Variants in ALDH18A1 observed in about 807,000 individuals in gnomAD.
ALDH18A1 encodes the protein delta-1-pyrroline-5-carboxylate synthase.
ALDH18A1 carries 44 observed loss-of-function variants against 88.8 expected under a neutral mutation model. The ratio of observed to expected loss-of-function variants is 0.50; its 90% CI spans 0.39 to 0.64. The LOEUF is 0.64. Ranked by LOEUF, ALDH18A1 falls within the 30% of genes least tolerant of loss-of-function variation. ALDH18A1 has a pLI of 0.00. For synonymous variants in ALDH18A1, 331 were observed against 372.1 expected (o/e 0.89, Z 1.27); for missense variants, 782 against 1,009.5 (o/e 0.77, Z 3.05).
At chr10:95,653,169 C>A (rs1032361906) in intron 2 of ALDH18A1, 121 bp downstream of exon 2, 3 of 978,870 alleles carry the variant, frequency 3.1e-6, no homozygotes, top group Non-Finnish European at 4.8e-6. Context: ...GCCTGTGTGA[C>A]AAAATGAGAC....
intron 11 of ALDH18A1, among the ~76,000 whole-genome samples, chr10:95,622,050 C>T (rs562159040): frequency 2.3e-4 from 35 of 152,038 alleles, no homozygotes; most frequent in African/African-American, 7.7e-4. Context: ...AAATCTGGAA[C>T]GCATCCAGAA....
intron 2 of ALDH18A1, among the ~76,000 whole-genome samples, chr10:95,648,847 G>A (rs1456931630): frequency 6.6e-6 from 1 of 152,186 alleles, no homozygotes; most frequent in Non-Finnish European, 1.5e-5. Flanking sequence ...GCTGAGCCCA[G>A]TCCAAAATAC....
At chr10:95,615,953 G>C (rs770162769) in intron 13 of ALDH18A1, among the ~76,000 whole-genome samples, 22 of 152,116 alleles carry the variant, frequency 1.4e-4, no homozygotes, top group Admixed American at 4.6e-4. Context: ...GATAAAATGA[G>C]CCTTGCACAT....
intron 3 of ALDH18A1, among the ~76,000 whole-genome samples, chr10:95,641,971 C>T (rs2097892563): frequency 6.6e-6 from 1 of 152,036 alleles, no homozygotes; most frequent in Admixed American, 6.6e-5. Context: ...CAGGGTCTCA[C>T]TTTGTTGCTC....
chr10:95,610,486 G>A lies in ALDH18A1; in HGVS notation c.2111-194C>T, dbSNP rs943343. Among the ~76,000 whole-genome samples the A allele has an allele frequency of 0.39, 58,766 of 152,092 alleles. 12,948 individuals are homozygous for A. Among genetic ancestry groups the A allele is most frequent in the Admixed American group, 0.5 (7,599 of 15,288 alleles). Reference sequence around the variant, plus strand: ...AAGACAAGTTAGCTTCATCAATCACGGTGTTGTGGAAAGACTGAGTTGGAA... The same window carrying A: ...AAGACAAGTTAGCTTCATCAATCACAGTGTTGTGGAAAGACTGAGTTGGAA... On this transcript the variant is annotated intron_variant, in intron 16 of 17. Transcript: ENST00000371224.
chr10:95,625,309 C>A, intron 11 of ALDH18A1, 53 bp downstream of exon 11: 1 of 1,509,582 alleles, frequency 6.6e-7, no homozygotes, highest in South Asian at 1.1e-5. Context: ...AACTAAAAAC[C>A]AAAATAATGC....
chr10:95,626,876 C>A, intron 9 of ALDH18A1, 100 bp from the exon 10 acceptor site: 1 of 1,221,754 alleles, frequency 8.2e-7, no homozygotes, highest in Non-Finnish European at 1.2e-6. Context: ...AAGCTCATCA[C>A]GCCCACAGAA....
intron 7 of ALDH18A1, chr10:95,628,846 A>G (rs2097864047): frequency 3.0e-6 from 1 of 333,744 alleles, no homozygotes; most frequent in South Asian, 2.7e-5. Flanking sequence ...CAGAACTGAA[A>G]AAGAAGGGTG....
chr10:95,633,218 ACT>A (rs2097874034), intron 6 of ALDH18A1, among the ~76,000 whole-genome samples, 169 bp from the exon 7 acceptor site: 1 of 152,180 alleles, frequency 6.6e-6, no homozygotes, highest in Admixed American at 6.5e-5. Flanking sequence ...TGCAGAACAC[ACT>A]GTCTACTGGC....
At chr10:95,614,848 A>G (rs1293507971) in intron 13 of ALDH18A1, among the ~76,000 whole-genome samples, 5 of 152,240 alleles carry the variant, frequency 3.3e-5, no homozygotes, top group African/African-American at 1.2e-4. Flanking sequence ...AACTGGAAAC[A>G]ATCTAAATAT....
At chr10:95,622,249 C>G (rs1029285332) in intron 11 of ALDH18A1, among the ~76,000 whole-genome samples, 1 of 152,068 alleles carries the variant, frequency 6.6e-6, no homozygotes, top group African/African-American at 2.4e-5. Context: ...CCAGGCTAGA[C>G]TGCAGTGGTG....
intron 11 of ALDH18A1, among the ~76,000 whole-genome samples, chr10:95,622,576 C>T (rs1245218629): frequency 2.0e-5 from 3 of 152,090 alleles, no homozygotes; most frequent in African/African-American, 7.2e-5. Flanking sequence ...CTCGCTCTGT[C>T]GCCCAGGCTG....
intron 11 of ALDH18A1, 68 bp from the exon 12 acceptor site, chr10:95,621,319 TC>T: frequency 2.7e-5 from 35 of 1,274,728 alleles, no homozygotes; most frequent in South Asian, 1.1e-4. Context: ...AACCGATGTG[TC>T]TTTTTTTTTT....
At chr10:95,637,017 T>C (rs2097881916) in intron 5 of ALDH18A1, 76 bp downstream of exon 5, 1 of 1,328,156 alleles carries the variant, frequency 7.5e-7, no homozygotes, top group East Asian at 2.4e-5. Context: ...ATTCCAATAG[T>C]CTGGCTCCAG....
chr10:95,654,121 C>T (rs1266894661), intron 1 of ALDH18A1, among the ~76,000 whole-genome samples: 1 of 151,382 alleles, frequency 6.6e-6, no homozygotes, highest in Non-Finnish European at 1.5e-5. Flanking sequence ...AAGTAGGGAA[C>T]TCCTTCCTAT....
chr10:95,640,247 T>C (rs769882350), intron 3 of ALDH18A1, among the ~76,000 whole-genome samples: 12 of 152,192 alleles, frequency 7.9e-5, no homozygotes, highest in Non-Finnish European at 1.6e-4. Context: ...GTAGCTTCTC[T>C]AGTGGCCTCC....
chr10:95,606,480 T>C lies in ALDH18A1; in HGVS notation c.*282A>G. On this transcript the variant is annotated 3_prime_UTR_variant, in exon 18 of 18. Transcript: ENST00000371224. ...CCATGGGTTTTCCTCGCCTTTTTTA[T>C]GGGGAAAATGCACCTTTCAATCCTA... is the stretch of plus-strand genomic sequence containing the variant. 1 of 1,275,200 alleles carries C rather than the reference T, an allele frequency of 7.8e-7. No individual in the cohort carries two copies. The highest frequency in any genetic ancestry group is 1.0e-6 in the Non-Finnish European group (1 of 1,002,590). 79.0% of individuals were successfully genotyped at this position (1,275,200 alleles called of 1,614,324 possible).
intron 2 of ALDH18A1, among the ~76,000 whole-genome samples, chr10:95,652,323 G>A (rs1317888463): frequency 1.3e-5 from 2 of 152,134 alleles, no homozygotes; most frequent in East Asian, 1.9e-4. Context: ...TCAGATACTG[G>A]GTGAAATTGG....
chr10:95,613,725 T>C lies in ALDH18A1; in HGVS notation c.1923+17A>G. Reference sequence around the variant, plus strand: ...TCTAAGACAGGAAGTAATGTACTAGTCCTATGGAACTCTTACCTGTTCCAC... The same window carrying C: ...TCTAAGACAGGAAGTAATGTACTAGCCCTATGGAACTCTTACCTGTTCCAC... On this transcript the variant is annotated intron_variant, in intron 15 of 17. Coordinates refer to ENST00000371224, the MANE Select transcript of ALDH18A1 (RefSeq NM_002860.4). 6.2e-7 allele frequency: 1 copy of C among 1,614,074 alleles called. No homozygotes were observed.
Sources: allele counts gnomAD v4.1 joint callset (sites outside exome capture counted in the v4.1 genomes callset), GRCh38; gene constraint gnomAD v4.1.1; transcripts MANE v1.5; gene names NCBI Gene and HGNC (gene_info 2026-07-23, HGNC 2026-07-21).